Variants in KIAA1217 observed in about 807,000 individuals in gnomAD.
KIAA1217 encodes the protein sickle tail protein homolog.
A neutral mutation model predicts 163.9 loss-of-function variants in KIAA1217; 88 were observed. That is an observed-to-expected ratio of 0.54 (90% confidence interval 0.45 to 0.64). The LOEUF (loss-of-function observed/expected upper bound fraction) is 0.64, where lower values mean the gene tolerates loss of function less well. KIAA1217 is among the 30% of genes least tolerant of loss of function. The probability of loss-of-function intolerance (pLI) is 0.00; values close to 1 mark genes in which losing one functional copy is unlikely to be tolerated. For synonymous variants in KIAA1217, 903 were observed against 923.1 expected (o/e 0.98, Z 0.39); for missense variants, 2,372 against 2,475.0 (o/e 0.96, Z 0.88).
chr10:24,128,214 C>G (rs966021932), intron 2 of KIAA1217, among the ~76,000 whole-genome samples: 1 of 152,134 alleles, frequency 6.6e-6, no homozygotes, highest in East Asian at 1.9e-4. Context: ...TTTACAATGG[C>G]AATAATCTCT....
At chr10:24,387,628 G>C (rs966488859) in intron 3 of KIAA1217, among the ~76,000 whole-genome samples, 1 of 152,102 alleles carries the variant, frequency 6.6e-6, no homozygotes, top group African/African-American at 2.4e-5. Flanking sequence ...CTGTTTGCAG[G>C]TGACATGACT....
chr10:23,701,581 G>A (rs965584023), intron 1 of KIAA1217, among the ~76,000 whole-genome samples: 8 of 152,134 alleles, frequency 5.3e-5, no homozygotes, highest in South Asian at 2.1e-4. Flanking sequence ...TTATGAGGTC[G>A]TATCAATTAA....
intron 3 of KIAA1217, among the ~76,000 whole-genome samples, chr10:24,426,801 G>A (rs1445179770): frequency 2.0e-5 from 3 of 152,208 alleles, no homozygotes; most frequent in Non-Finnish European, 4.4e-5. Flanking sequence ...GGCGCAGCGT[G>A]TGGGATGAAT....
At chr10:24,364,952 C>T (rs900849145) in intron 2 of KIAA1217, among the ~76,000 whole-genome samples, 2 of 152,042 alleles carry the variant, frequency 1.3e-5, no homozygotes, top group African/African-American at 2.4e-5. Context: ...GCACTTGTCA[C>T]CACACCAAGC....
At chr10:24,121,810 TG>T (rs2063291797) in intron 2 of KIAA1217, among the ~76,000 whole-genome samples, 1 of 152,184 alleles carries the variant, frequency 6.6e-6, no homozygotes, top group African/African-American at 2.4e-5. Flanking sequence ...GTTTTTCTAT[TG>T]TTTCTAACCT....
chr10:24,310,535 G>A (rs1209420784), intron 2 of KIAA1217, among the ~76,000 whole-genome samples: 1 of 152,160 alleles, frequency 6.6e-6, no homozygotes, highest in Non-Finnish European at 1.5e-5. Context: ...GGAAACAAAA[G>A]TTATATATTT....
Position 23,720,978 on chromosome 10 carries a change from CA to C in KIAA1217, c.-321+25749del, listed in dbSNP as rs137909057. ...TTCCACTGACACCTTTGTAACTTAA[CA>C]AAAACCTTAAGGATCTTTTTGGATT... On this transcript the variant is annotated intron_variant, in intron 1 of 18. Coordinates refer to the KIAA1217 transcript ENST00000376462. Among the ~76,000 whole-genome samples the C allele has an allele frequency of 2.7e-3, 411 of 152,260 alleles. 1 individual carries two copies. Among genetic ancestry groups the C allele is most frequent in the African/African-American group, 9.3e-3 (387 of 41,554 alleles).
intron 1 of KIAA1217, among the ~76,000 whole-genome samples, chr10:23,775,356 A>C (rs1466576062): frequency 3.9e-5 from 6 of 152,212 alleles, no homozygotes; most frequent in African/African-American, 1.4e-4. Flanking sequence ...GGAGATGGGC[A>C]TATTTTGTTG....
chr10:24,281,947 C>T (rs897290717), intron 2 of KIAA1217, among the ~76,000 whole-genome samples: 3 of 152,060 alleles, frequency 2.0e-5, no homozygotes, highest in African/African-American at 7.2e-5. Context: ...GTCCCAGCTA[C>T]TCAGGAGGCT....
intron 1 of KIAA1217, among the ~76,000 whole-genome samples, chr10:23,838,925 G>C (rs1285729186): frequency 6.6e-6 from 1 of 152,118 alleles, no homozygotes. Context: ...TCTTGCACCT[G>C]CAGGGCTACC....
intron 17 of KIAA1217, 117 bp downstream of exon 17, chr10:24,537,010 T>G: frequency 8.2e-7 from 1 of 1,215,508 alleles, no homozygotes; most frequent in Non-Finnish European, 1.1e-6. Context: ...TCTCTCTTTT[T>G]TTTAACTAAT....
intron 1 of KIAA1217, among the ~76,000 whole-genome samples, chr10:23,727,447 C>T (rs913722339): frequency 1.3e-5 from 2 of 151,862 alleles, no homozygotes; most frequent in South Asian, 2.1e-4. Flanking sequence ...ATAATCCCAG[C>T]TACTTGGGAG....
chr10:24,248,761 G>A (rs1452545774), intron 2 of KIAA1217, among the ~76,000 whole-genome samples: 2 of 149,382 alleles, frequency 1.3e-5, no homozygotes, highest in African/African-American at 4.9e-5. Context: ...GATAAAAGGT[G>A]TTTAGGTTTT....
At chr10:23,804,660 A>G (rs1330430434) in intron 1 of KIAA1217, among the ~76,000 whole-genome samples, 1 of 152,208 alleles carries the variant, frequency 6.6e-6, no homozygotes, top group Non-Finnish European at 1.5e-5. Flanking sequence ...GTCTAGATAC[A>G]CACCGTTGCC....
chr10:23,846,809 T>C (rs1042446024), intron 1 of KIAA1217, among the ~76,000 whole-genome samples: 6 of 152,318 alleles, frequency 3.9e-5, no homozygotes, highest in Non-Finnish European at 7.3e-5. Flanking sequence ...CCTTGTCTTG[T>C]GCCGGTTTTC....
intron 2 of KIAA1217, among the ~76,000 whole-genome samples, chr10:24,072,909 T>G (rs1348968907): frequency 6.6e-6 from 1 of 151,508 alleles, no homozygotes; most frequent in East Asian, 1.9e-4. Context: ...AATACAAAAT[T>G]TAACTGGGCA....
At chr10:24,337,837 G>A (rs1347142925) in intron 2 of KIAA1217, among the ~76,000 whole-genome samples, 4 of 151,716 alleles carry the variant, frequency 2.6e-5, no homozygotes, top group Non-Finnish European at 1.5e-5. Context: ...TAGAGACAAG[G>A]TTTCACTATG....
chr10:23,751,808 T>C (rs1401653543), intron 1 of KIAA1217, among the ~76,000 whole-genome samples: 1 of 152,196 alleles, frequency 6.6e-6, no homozygotes, highest in Non-Finnish European at 1.5e-5. Flanking sequence ...CTTGAAGATA[T>C]TTGTGACTAA....
In KIAA1217 at chr10:24,546,419, G is replaced by A; in HGVS notation, c.*95G>A. ...TCACAAGAGAATGTAACATATTGCTGTATCGTTTGAGGCTTAATGCTAAAT... is the reference window on the plus strand; with the variant it reads ...TCACAAGAGAATGTAACATATTGCTATATCGTTTGAGGCTTAATGCTAAAT... On this transcript the variant is annotated 3_prime_UTR_variant, in exon 21 of 21. Coordinates refer to ENST00000376454, the MANE Select transcript of KIAA1217 (RefSeq NM_019590.5). 7.9e-7 allele frequency: 1 copy of A among 1,258,722 alleles called. No individual in the cohort carries two copies. Among genetic ancestry groups the A allele is most frequent in the Non-Finnish European group, 1.1e-6 (1 of 916,178 alleles). 78.0% of individuals were successfully genotyped at this position (1,258,722 alleles called of 1,614,324 possible).
Sources: allele counts gnomAD v4.1 joint callset (sites outside exome capture counted in the v4.1 genomes callset), GRCh38; gene constraint gnomAD v4.1.1; transcripts MANE v1.5; gene names NCBI Gene and HGNC (gene_info 2026-07-23, HGNC 2026-07-21).